The following DNM1 variants were observed in gnomAD, a reference collection of about 807,000 sequenced individuals.
The protein encoded by DNM1 is dynamin 1.
DNM1 carries 29 observed loss-of-function variants against 104.6 expected under a neutral mutation model. The observed-to-expected ratio is 0.28, with a 90% CI of 0.21 to 0.38. The LOEUF (loss-of-function observed/expected upper bound fraction) is 0.38. Ranked by LOEUF, DNM1 falls within the 10% of genes least tolerant of loss-of-function variation. The probability of loss-of-function intolerance (pLI) is 1.00; values close to 1 mark genes in which losing one functional copy is unlikely to be tolerated. For synonymous variants in DNM1, 445 were observed against 475.8 expected, an observed-to-expected ratio of 0.94 and a Z score of 0.84; for missense variants, 640 against 1,189.4, an observed-to-expected ratio of 0.54 and a Z score of 6.79.
chr9:128,230,609 CCCAG>C (rs1835626141), intron 10 of DNM1, among the ~76,000 whole-genome samples: 1 of 151,654 alleles, frequency 6.6e-6, no homozygotes, highest in Non-Finnish European at 1.5e-5. Flanking sequence ...CGCCATCACA[CCCAG>C]CTAATTTTTT....
At chr9:128,231,917 A>T (rs1835714497) in intron 10 of DNM1, 1 of 439,302 alleles carries the variant, frequency 2.3e-6, no homozygotes, top group Admixed American at 2.5e-5. Flanking sequence ...CCTGACTGCT[A>T]ACCCGGTGGG....
intron 1 of DNM1, among the ~76,000 whole-genome samples, chr9:128,210,143 T>A (rs1834202683): frequency 6.6e-6 from 1 of 152,002 alleles, no homozygotes; most frequent in Non-Finnish European, 1.5e-5. Context: ...CCTCCCGGGC[T>A]CAAGCCATCC....
chr9:128,243,606 A>G lies in DNM1; in HGVS notation c.1671+1261A>G, dbSNP rs944055711. On this transcript the variant is annotated intron_variant, in intron 15 of 21. Coordinates refer to ENST00000372923, the MANE Select transcript of DNM1 (RefSeq NM_004408.4). The surrounding 1 kb of genome is among the most constrained non-coding windows in gnomAD (Gnocchi z 4.0). ...GGCCCCTGGAAGGGATGGAGTGTGC[A>G]GTGGCATGGGGTGCGGGTGGGGGGT... 4.6e-5 allele frequency among the ~76,000 whole-genome samples: 7 copies of G among 152,148 alleles called. No homozygotes were observed. Among genetic ancestry groups the G allele is most frequent in the African/African-American group, 1.4e-4 (6 of 41,450 alleles).
At chr9:128,239,801 A>G (rs1006158514) in intron 13 of DNM1, 22 bp downstream of exon 13, 1 of 1,610,214 alleles carries the variant, frequency 6.2e-7, no homozygotes, top group African/African-American at 1.3e-5. Context: ...CCAGCACCCC[A>G]GCCCGAGGGA....
chr9:128,204,192 G>C (rs1833724625), intron 1 of DNM1: 1 of 152,724 alleles, frequency 6.5e-6, no homozygotes, highest in Admixed American at 6.5e-5. Flanking sequence ...ACACCTCTGC[G>C]GCTCCCGCCG....
chr9:128,248,893 A>G lies in DNM1; in HGVS notation c.2076+140A>G. The G allele has an allele frequency of 1.1e-6, 1 of 928,504 alleles. No individual in the cohort carries two copies. Among genetic ancestry groups the G allele is most frequent in the South Asian group, 1.7e-5 (1 of 59,386 alleles). The allele number at this position is 928,504 out of a possible 1,614,324, so 57.5% of individuals were successfully genotyped here. ...GGCACGGTCCAGACCAGAGCTGTCC[A>G]ATAGAAATATCATGAGGGGCTGGGC... On this transcript the variant is annotated intron_variant, in intron 19 of 21. Coordinates refer to ENST00000372923, the MANE Select transcript of DNM1 (RefSeq NM_004408.4). This position sits in a 1 kb window ranked among gnomAD's most constrained non-coding sequence, Gnocchi z 5.6.
At chr9:128,219,900 G>A (rs781657307) in intron 4 of DNM1, 88 bp from the exon 5 acceptor site, 11 of 1,062,744 alleles carry the variant, frequency 1.0e-5, no homozygotes, top group East Asian at 2.6e-5. Context: ...AGGGGGCCGA[G>A]GAGAGCAGGG....
rs1483033063 is a variant in DNM1, at chr9:128,218,161, G to A, written c.162-70G>A. 3 of 1,477,440 alleles carry A rather than the reference G, an allele frequency of 2.0e-6. No individual in the cohort carries two copies. The highest frequency in any genetic ancestry group is 1.7e-5 in the Admixed American group (1 of 59,832). 91.5% of individuals were successfully genotyped at this position (1,477,440 alleles called of 1,614,324 possible). ...GGAGCTTTGGCTTTCCCAGGGGCCG[G>A]ACAGGTACCCCTGGGACAGAGGGCG... is the stretch of plus-strand genomic sequence containing the variant. On this transcript the variant is annotated intron_variant, in intron 1 of 21. Coordinates refer to ENST00000372923, the MANE Select transcript of DNM1 (RefSeq NM_004408.4). This position sits in a 1 kb window ranked among gnomAD's most constrained non-coding sequence, Gnocchi z 4.8.
Position 128,248,573 on chromosome 9 carries a change from T to C in DNM1, c.1906-10T>C. 1 of 1,612,410 alleles carries C rather than the reference T, an allele frequency of 6.2e-7. No individual in the cohort carries two copies. Among genetic ancestry groups the C allele is most frequent in the South Asian group, 1.1e-5 (1 of 91,032 alleles). On this transcript the variant is annotated splice_polypyrimidine_tract_variant and intron_variant, in intron 18 of 21. Coordinates refer to ENST00000372923, the MANE Select transcript of DNM1 (RefSeq NM_004408.4). The surrounding 1 kb of genome is among the most constrained non-coding windows in gnomAD (Gnocchi z 5.6). ...CTGGCCACCTGATGCCCTTGTGTTC[T>C]CCATGGCAGGCCAGCGAGACCGAGG...
chr9:128,222,731 G>A lies in DNM1; in HGVS notation c.1129-62G>A. On this transcript the variant is annotated intron_variant, in intron 8 of 21. Transcript: ENST00000372923. The surrounding 1 kb of genome is among the most constrained non-coding windows in gnomAD (Gnocchi z 7.8). ...CAGCCCTAGGTGTGGGGTGGGCCCT[G>A]TCTTGACCTCCCAGGTAGTAGGACA... The A allele has an allele frequency of 6.2e-7, 1 of 1,609,186 alleles. No individual in the cohort carries two copies. The highest frequency in any genetic ancestry group is 8.5e-7 in the Non-Finnish European group (1 of 1,176,152).
Position 128,219,114 on chromosome 9 carries a change from G to A in DNM1, c.451G>A (p.Asp151Asn), listed in dbSNP as rs749870166. Residue 151 changes from aspartate (D) to asparagine (N), a missense_variant, in exon 4 of 22, where the codon GAC becomes AAC. Coordinates refer to ENST00000372923, the MANE Select transcript of DNM1 (RefSeq NM_004408.4). ...TKVPVGDQPPDIEFQIRDMLM... is the reference protein window; with the variant it reads ...TKVPVGDQPPNIEFQIRDMLM... ...GGTCCCGGTGGGGGACCAACCTCCCGACATCGAGTTCCAGATCCGAGACAT... is the reference window on the plus strand; with the variant it reads ...GGTCCCGGTGGGGGACCAACCTCCCAACATCGAGTTCCAGATCCGAGACAT... 2 of 1,614,002 alleles carry A rather than the reference G, an allele frequency of 1.2e-6. No homozygotes were observed. The highest frequency in any genetic ancestry group is 1.7e-5 in the Admixed American group (1 of 60,008).
chr9:128,251,319 C>A (rs1039826299), intron 21 of DNM1: 3 of 389,002 alleles, frequency 7.7e-6, no homozygotes, highest in Non-Finnish European at 1.5e-5. Context: ...CCTCTCCCAG[C>A]CCCTGGGGAG....
chr9:128,239,567 CGTGTGTGTGTGTGTGT>C lies in DNM1; in HGVS notation c.1493+87_1493+102del, dbSNP rs34036148. 1,785 of 882,430 alleles carry C rather than the reference CGTGTGTGTGTGTGTGT, an allele frequency of 2.0e-3. 16 individuals carry two copies. In the African/African-American group the frequency reaches 0.026, roughly 13 times the overall value. The allele number at this position is 882,430 out of a possible 1,614,324, so 54.7% of individuals were successfully genotyped here. A position where few individuals can be genotyped will look rare whatever the true frequency, so the allele number is the denominator to read the frequency against. ...AGTGCTCCCTGGGCAGAGAAGGTAA[CGTGTGTGTGTGTGTGT>C]GTGTGTGTGTGTGTGTGTGTGTGTG... On this transcript the variant is annotated intron_variant, in intron 12 of 21. Transcript: ENST00000372923.
rs1189985007 is a variant in DNM1, at chr9:128,240,316, T to C, written c.1557+320T>C. ...GAGGGATGCACGTGAGCAAGACACA[T>C]TTTTAAGAAGCTGACAGCCATCGCC... is the stretch of plus-strand genomic sequence containing the variant. On this transcript the variant is annotated intron_variant, in intron 14 of 21. Coordinates refer to ENST00000372923, the MANE Select transcript of DNM1 (RefSeq NM_004408.4). The surrounding 1 kb of genome is among the most constrained non-coding windows in gnomAD (Gnocchi z 5.1). 2.8e-6 allele frequency: 1 copy of C among 356,548 alleles called. No homozygotes were observed. Among genetic ancestry groups the C allele is most frequent in the Non-Finnish European group, 5.1e-6 (1 of 194,370 alleles). 22.1% of individuals were successfully genotyped at this position (356,548 alleles called of 1,614,324 possible). A position where few individuals can be genotyped will look rare whatever the true frequency, so the allele number is the denominator to read the frequency against.
chr9:128,253,319 C>T lies in DNM1; in HGVS notation c.2535-1335C>T, dbSNP rs895349143. 3.2e-5 allele frequency: 20 copies of T among 626,730 alleles called. No individual in the cohort carries two copies. The highest frequency in any genetic ancestry group is 1.3e-4 in the South Asian group (7 of 53,100). 38.8% of individuals were successfully genotyped at this position (626,730 alleles called of 1,614,324 possible). A position where few individuals can be genotyped will look rare whatever the true frequency, so the allele number is the denominator to read the frequency against. ...CTGGCTCTCTCACCTCCCTTCCCTG[C>T]GAGCCTCGGGACTCAGTGCCACTGC... On this transcript the variant is annotated intron_variant, in intron 21 of 21. Transcript: ENST00000372923. This position sits in a 1 kb window ranked among gnomAD's most constrained non-coding sequence, Gnocchi z 5.9.
In DNM1 at chr9:128,247,695, G is replaced by C. The variant is rs185477747; in HGVS notation, c.1893+209G>C. Among the ~76,000 whole-genome samples, 199 of 152,274 alleles carry C rather than the reference G, an allele frequency of 1.3e-3. 3 individuals carry two copies. Among genetic ancestry groups the C allele is most frequent in the Non-Finnish European group, 3.4e-4 (23 of 68,014 alleles). ...TCTCCAGTGGCAGTTTTGTGTCTCTGTCTCTGTTGCAGATGGCATTTCCTC... is the reference window on the plus strand; with the variant it reads ...TCTCCAGTGGCAGTTTTGTGTCTCTCTCTCTGTTGCAGATGGCATTTCCTC... On this transcript the variant is annotated intron_variant, in intron 17 of 21. Coordinates refer to ENST00000372923, the MANE Select transcript of DNM1 (RefSeq NM_004408.4). This position sits in a 1 kb window ranked among gnomAD's most constrained non-coding sequence, Gnocchi z 5.1.
At chr9:128,252,180 G>A in intron 21 of DNM1, 2 of 223,352 alleles carry the variant, frequency 9.0e-6, no homozygotes, top group Non-Finnish European at 1.8e-5. Flanking sequence ...AGTGGCTATA[G>A]GGATGCTGTG....
chr9:128,225,238 G>A (rs944510920), intron 10 of DNM1, among the ~76,000 whole-genome samples: 3 of 152,128 alleles, frequency 2.0e-5, no homozygotes, highest in African/African-American at 2.4e-5. Context: ...CTGCTGTCCC[G>A]GCCCCTCTCT....
rs1829728189 is a variant in DNM1, at chr9:128,254,511, C to A, written c.2535-143C>A. ...AGCCCCTTTTCCAGGAACCTTGCCACACCCACACCTGCAGCCTCCCCTCCC... is the reference window on the plus strand; with the variant it reads ...AGCCCCTTTTCCAGGAACCTTGCCAAACCCACACCTGCAGCCTCCCCTCCC... On this transcript the variant is annotated intron_variant, in intron 21 of 21. Transcript: ENST00000372923. The surrounding 1 kb of genome is among the most constrained non-coding windows in gnomAD (Gnocchi z 6.1). The A allele has an allele frequency of 1.3e-6, 2 of 1,535,298 alleles. No homozygotes were observed. The highest frequency in any genetic ancestry group is 1.7e-6 in the Non-Finnish European group (2 of 1,149,932).
Sources: allele counts gnomAD v4.1 joint callset (sites outside exome capture counted in the v4.1 genomes callset), GRCh38; gene constraint gnomAD v4.1.1; non-coding constraint Gnocchi (gnomAD v3.1); transcripts MANE v1.5; gene names NCBI Gene and HGNC (gene_info 2026-07-23, HGNC 2026-07-21).